The following CDYL2 variants were observed in gnomAD, a reference collection of about 807,000 sequenced individuals.
CDYL2 encodes chromodomain Y like 2, also known as chromodomain Y-like protein 2.
Under a neutral mutation model 49.4 loss-of-function variants are expected in CDYL2, and 23 were observed. That is an observed-to-expected ratio of 0.47 (90% confidence interval 0.34 to 0.66). The LOEUF (loss-of-function observed/expected upper bound fraction) is 0.66, where lower values mean the gene tolerates loss of function less well. CDYL2 is among the 30% of genes least tolerant of loss of function. The pLI, the probability that CDYL2 is intolerant of heterozygous loss-of-function variation, is 0.01. For synonymous variants in CDYL2, 360 were observed against 268.8 expected, an observed-to-expected ratio of 1.34 and a Z score of -3.32; for missense variants, 678 against 656.4, an observed-to-expected ratio of 1.03 and a Z score of -0.36.
Position 80,598,389 on chromosome 16 carries a change from C to T in CDYL2, c.*5999G>A, listed in dbSNP as rs1905930791. On this transcript the variant is annotated 3_prime_UTR_variant, in exon 7 of 7. Coordinates refer to ENST00000570137, the MANE Select transcript of CDYL2 (RefSeq NM_152342.4). Reference sequence around the variant, plus strand: ...GGTAATAAGCCTTACCAATAGAATACCACTTCTTCAGCATCAATCATTTCT... The same window carrying T: ...GGTAATAAGCCTTACCAATAGAATATCACTTCTTCAGCATCAATCATTTCT... The T allele has an allele frequency of 6.6e-6, 1 of 152,034 alleles. No individual in the cohort carries two copies. Among genetic ancestry groups the T allele is most frequent in the Admixed American group, 6.5e-5 (1 of 15,270 alleles). 9.4% of individuals were successfully genotyped at this position (152,034 alleles called of 1,614,324 possible).
intron 1 of CDYL2, among the ~76,000 whole-genome samples, chr16:80,747,624 C>G (rs1905978510): frequency 6.6e-6 from 1 of 152,104 alleles, no homozygotes; most frequent in Admixed American, 6.6e-5. Context: ...TCCCTTCTAG[C>G]ATCAGGATTG....
intron 1 of CDYL2, among the ~76,000 whole-genome samples, chr16:80,708,770 T>G (rs1904489629): frequency 6.6e-6 from 1 of 152,142 alleles, no homozygotes; most frequent in Non-Finnish European, 1.5e-5. Context: ...TGTACTTATA[T>G]GTAGAAAGTA....
intron 1 of CDYL2, among the ~76,000 whole-genome samples, chr16:80,760,349 G>A (rs1476518404): frequency 6.6e-6 from 1 of 152,202 alleles, no homozygotes; most frequent in African/African-American, 2.4e-5. Context: ...GTAGTGGGGG[G>A]TTGGAGGGGA....
At chr16:80,738,981 A>G (rs541350815) in intron 1 of CDYL2, among the ~76,000 whole-genome samples, 1 of 152,316 alleles carries the variant, frequency 6.6e-6, no homozygotes, top group South Asian at 2.1e-4. Flanking sequence ...GTATTTCACA[A>G]GGTGAAAAAG....
intron 1 of CDYL2, among the ~76,000 whole-genome samples, chr16:80,751,600 T>C (rs1567594941): frequency 6.6e-6 from 1 of 152,212 alleles, no homozygotes; most frequent in East Asian, 1.9e-4. Flanking sequence ...TAAGACACTA[T>C]GCACGTGTTT....
chr16:80,682,364 C>A (rs1910001443), intron 2 of CDYL2, among the ~76,000 whole-genome samples: 1 of 152,214 alleles, frequency 6.6e-6, no homozygotes, highest in Non-Finnish European at 1.5e-5. Flanking sequence ...ATCAACGGAT[C>A]TCAACAGGTT....
intron 2 of CDYL2, among the ~76,000 whole-genome samples, chr16:80,635,444 G>T (rs1276817958): frequency 6.6e-6 from 1 of 152,110 alleles, no homozygotes; most frequent in African/African-American, 2.4e-5. Context: ...GCCAAATCAT[G>T]AGTGAACTAC....
intron 2 of CDYL2, among the ~76,000 whole-genome samples, chr16:80,646,247 C>A (rs1416344944): frequency 6.6e-6 from 1 of 151,802 alleles, no homozygotes; most frequent in African/African-American, 2.4e-5. Context: ...GAGAGCCAAA[C>A]TATATCACTC....
At chr16:80,800,722 A>G (rs1907899707) in intron 1 of CDYL2, among the ~76,000 whole-genome samples, 1 of 152,170 alleles carries the variant, frequency 6.6e-6, no homozygotes, top group African/African-American at 2.4e-5. Context: ...AACGAAGGTC[A>G]CACAAGGGTA....
chr16:80,692,976 A>G (rs1397623284), intron 1 of CDYL2, among the ~76,000 whole-genome samples: 1 of 152,200 alleles, frequency 6.6e-6, no homozygotes, highest in African/African-American at 2.4e-5. Context: ...GCAGAGAAGT[A>G]CCACTCAATA....
chr16:80,612,733 C>T lies in CDYL2; in HGVS notation c.1111G>A (p.Val371Met), dbSNP rs1444671315. 1 of 1,613,696 alleles carries T rather than the reference C, an allele frequency of 6.2e-7. No homozygotes were observed. The highest frequency in any genetic ancestry group is 8.5e-7 in the Non-Finnish European group (1 of 1,179,984). Residue 371 changes from valine to methionine, a missense_variant, in exon 5 of 7, where the codon GTG becomes ATG. Around this residue, in one of 3 missense-constraint regions of CDYL2, gnomAD observed 47 missense variants for 78.8 expected, o/e 0.60. Coordinates refer to ENST00000570137, the MANE Select transcript of CDYL2 (RefSeq NM_152342.4). This position sits in a 1 kb window ranked among gnomAD's most constrained non-coding sequence, Gnocchi z 5.0. ...GASILPLCDI[V>M]WASEKAWFQT... ...AACCAGGCCTTCTCACTGGCCCACA[C>T]GATGTCACAGAGGGGCAGGATGGAG... is the stretch of plus-strand genomic sequence containing the variant.
At chr16:80,668,560 A>C (rs1909367097) in intron 2 of CDYL2, among the ~76,000 whole-genome samples, 1 of 151,994 alleles carries the variant, frequency 6.6e-6, no homozygotes, top group African/African-American at 2.4e-5. Flanking sequence ...AAAGATCCAT[A>C]AGGAAACATT....
At chr16:80,664,424 T>C (rs560560954) in intron 2 of CDYL2, among the ~76,000 whole-genome samples, 75 of 152,300 alleles carry the variant, frequency 4.9e-4, no homozygotes, top group African/African-American at 1.7e-3. Flanking sequence ...TCCGGTGTCC[T>C]GGGCCTTCCT....
intron 1 of CDYL2, among the ~76,000 whole-genome samples, chr16:80,799,170 A>C (rs1324189434): frequency 6.6e-6 from 1 of 152,180 alleles, no homozygotes; most frequent in African/African-American, 2.4e-5. Context: ...CCAAAAGCTA[A>C]CATTTTAATT....
intron 2 of CDYL2, among the ~76,000 whole-genome samples, chr16:80,662,296 T>C (rs966445951): frequency 1.3e-5 from 2 of 152,156 alleles, no homozygotes; most frequent in Non-Finnish European, 2.9e-5. Context: ...ACACCTTGTG[T>C]GGCTTGAGAC....
rs547188605 is a variant in CDYL2, at chr16:80,620,855, G to T, written c.915C>A (p.Ser305Arg). 1.9e-6 allele frequency: 3 copies of T among 1,613,326 alleles called. No homozygotes were observed. Among genetic ancestry groups the T allele is most frequent in the Non-Finnish European group, 2.5e-6 (3 of 1,179,504 alleles). ...SKLLLLSAVG[S>R]VFCSGLDYSY... ...AATAATCCAGGCCGCTGCAGAACAC[G>T]CTCCCCACTGCGCTGAGGAGCAGCA... The change falls in exon 4 of 7, where the codon AGC (serine) becomes AGA (arginine). Residue 305 changes from serine (S) to arginine (R), a missense_variant. Around this residue, in one of 3 missense-constraint regions of CDYL2, gnomAD observed 478 missense variants for 427.0 expected, o/e 1.12. Transcript: ENST00000570137.
At chr16:80,726,231 G>A (rs1434055748) in intron 1 of CDYL2, among the ~76,000 whole-genome samples, 1 of 152,098 alleles carries the variant, frequency 6.6e-6, no homozygotes, top group African/African-American at 2.4e-5. Context: ...AGGGATTTGA[G>A]GAACATTTTG....
At chr16:80,653,141 C>A (rs1418457555) in intron 2 of CDYL2, among the ~76,000 whole-genome samples, 1 of 152,160 alleles carries the variant, frequency 6.6e-6, no homozygotes, top group East Asian at 1.9e-4. Flanking sequence ...ATTTCGTGTT[C>A]CAATTTTTCT....
rs530758084 is a variant in CDYL2 at position 80,730,426 on chromosome 16, C to A, written c.25-45297G>T. ...GGAAGAAGTTGAATCTCTGAATAGA[C>A]CAATAACAGGAGCTGAAATTGTGGC... On this transcript the variant is annotated intron_variant, in intron 1 of 6. Coordinates refer to ENST00000570137, the MANE Select transcript of CDYL2 (RefSeq NM_152342.4). 2.6e-4 allele frequency among the ~76,000 whole-genome samples: 39 copies of A among 152,156 alleles called. 1 individual carries two copies. The highest frequency in any genetic ancestry group is 6.0e-4 in the African/African-American group (25 of 41,484).
Sources: gnomAD v4.1 joint callset for allele counts (sites outside exome capture counted in the v4.1 genomes callset) on GRCh38, gnomAD v4.1.1 for gene constraint, gnomAD v4.1.1 regional missense constraint, Gnocchi (gnomAD v3.1) non-coding constraint, MANE v1.5 for transcripts, NCBI Gene and HGNC (gene_info 2026-07-23, HGNC 2026-07-21) for gene names.